CFAP58: variants seen among roughly 807,000 people sequenced by gnomAD.
CFAP58 encodes the protein cilia and flagella associated protein 58.
A neutral mutation model predicts 119.5 loss-of-function variants in CFAP58; 88 were observed. The ratio of observed to expected loss-of-function variants is 0.74; its 90% CI spans 0.62 to 0.88. CFAP58 has a LOEUF of 0.88. Ranked by LOEUF, CFAP58 falls within the 40% of genes least tolerant of loss-of-function variation. CFAP58 has a pLI of 0.00. For missense variants in CFAP58, 990 were observed against 1,021.2 expected, an observed-to-expected ratio of 0.97 and a Z score of 0.42; for synonymous variants, 365 against 366.3, an observed-to-expected ratio of 1.00 and a Z score of 0.04.
At chr10:104,413,854 A>C (rs1044005970) in intron 15 of CFAP58, among the ~76,000 whole-genome samples, 1 of 152,140 alleles carries the variant, frequency 6.6e-6, no homozygotes, top group African/African-American at 2.4e-5. Flanking sequence ...ATAGCATTGG[A>C]GTAGGAAGCT....
At position 104,399,399 on chromosome 10, in the gene CFAP58, A is replaced by C; in HGVS notation, c.1714A>C (p.Lys572Gln). 6.2e-7 allele frequency: 1 copy of C among 1,613,970 alleles called. No individual in the cohort carries two copies. Among genetic ancestry groups the C allele is most frequent in the South Asian group, 1.1e-5 (1 of 91,068 alleles). The change falls in exon 12 of 18, where the codon AAA (lysine) becomes CAA (glutamine). Residue 572 changes from lysine to glutamine, a missense_variant. Coordinates refer to ENST00000369704, the MANE Select transcript of CFAP58 (RefSeq NM_001008723.2). Reference sequence around the variant, plus strand: ...GCTGAGACAACAAGCCCTGGAGACAAAACACTTTATTGAAAAGCAAGAAGC... The same window carrying C: ...GCTGAGACAACAAGCCCTGGAGACACAACACTTTATTGAAAAGCAAGAAGC... ...QKLRQQALET[K>Q]HFIEKQEAEE...
chr10:104,401,611 A>G (rs978237318), intron 13 of CFAP58, among the ~76,000 whole-genome samples: 1 of 152,220 alleles, frequency 6.6e-6, no homozygotes, highest in Non-Finnish European at 1.5e-5. Flanking sequence ...GTAGATGAAC[A>G]GTATCCTTGA....
upstream of CFAP58, among the ~76,000 whole-genome samples, chr10:104,350,617 A>G (rs1302795392): frequency 6.6e-6 from 1 of 152,110 alleles, no homozygotes; most frequent in African/African-American, 2.4e-5. Context: ...TTGTCCTCCT[A>G]TAAGTAAGGT....
At chr10:104,385,372 G>A (rs2011901958) in intron 9 of CFAP58, among the ~76,000 whole-genome samples, 1 of 152,042 alleles carries the variant, frequency 6.6e-6, no homozygotes, top group African/African-American at 2.4e-5. Context: ...CCAACATGGC[G>A]TTACTGCTAG....
intron 12 of CFAP58, among the ~76,000 whole-genome samples, chr10:104,400,365 G>A (rs911695830): frequency 7.9e-5 from 12 of 152,002 alleles, no homozygotes; most frequent in Non-Finnish European, 1.3e-4. Context: ...CAGGCTGCTC[G>A]CGAACTCCTG....
intron 14 of CFAP58, 38 bp from the exon 15 acceptor site, chr10:104,406,648 CTGA>C (rs1026809770): frequency 1.2e-5 from 18 of 1,528,098 alleles, no homozygotes; most frequent in Non-Finnish European, 1.6e-5. Context: ...TGCTTTGAAG[CTGA>C]TGATATCTCA....
rs765355286 is a variant in CFAP58 at position 104,447,752 on chromosome 10, C to T, written c.2311C>T (p.Pro771Ser). Reference protein sequence around the residue: ...LKHVLARQPGPEAAEQLKLYR... With the variant: ...LKHVLARQPGSEAAEQLKLYR... ...GCACGTCTTGGCCCGCCAGCCTGGACCTGAGGCTGCGGAACAGCTGAAGCT... is the reference window on the plus strand; with the variant it reads ...GCACGTCTTGGCCCGCCAGCCTGGATCTGAGGCTGCGGAACAGCTGAAGCT... Residue 771 changes from proline (P) to serine (S), a missense_variant, in exon 16 of 18, where the codon CCT becomes TCT. By Grantham distance (74) the Pro-to-Ser change is moderately conservative (BLOSUM62 -1). Coordinates refer to ENST00000369704, the MANE Select transcript of CFAP58 (RefSeq NM_001008723.2). 1 of 1,614,168 alleles carries T rather than the reference C, an allele frequency of 6.2e-7. No individual in the cohort carries two copies. The highest frequency in any genetic ancestry group is 8.5e-7 in the Non-Finnish European group (1 of 1,180,010).
intron 9 of CFAP58, among the ~76,000 whole-genome samples, chr10:104,380,902 A>C (rs1469292991): frequency 6.6e-6 from 1 of 152,100 alleles, no homozygotes; most frequent in Non-Finnish European, 1.5e-5. Context: ...TAATCCCAGC[A>C]CTCTGGGAGT....
At chr10:104,395,312 G>T (rs1411317062) in intron 11 of CFAP58, among the ~76,000 whole-genome samples, 1 of 152,188 alleles carries the variant, frequency 6.6e-6, no homozygotes, top group Non-Finnish European at 1.5e-5. Context: ...TTGGCAGCTG[G>T]TGAACATGAA....
chr10:104,411,432 CTAT>C (rs1303492423), intron 15 of CFAP58, among the ~76,000 whole-genome samples: 1 of 151,864 alleles, frequency 6.6e-6, no homozygotes, highest in Non-Finnish European at 1.5e-5. Flanking sequence ...TCTGAGTGTT[CTAT>C]TATTGAAGTT....
chr10:104,376,874 A>T lies in CFAP58; in HGVS notation c.1154A>T (p.Glu385Val). The T allele has an allele frequency of 6.2e-7, 1 of 1,613,136 alleles. No homozygotes were observed. The highest frequency in any genetic ancestry group is 1.1e-5 in the South Asian group (1 of 91,064). Residue 385 changes from glutamate (E) to valine (V), a missense_variant, in exon 8 of 18, where the codon GAA (glutamate) becomes GTA (valine). Glu to Val is a moderately radical substitution (Grantham distance 121, BLOSUM62 -2). Transcript: ENST00000369704. Reference sequence around the variant, plus strand: ...AAGGCAATGGACGAGCTTCTAAGAGAAAGGGACATACTAAATAAGGTGAGT... The same window carrying T: ...AAGGCAATGGACGAGCTTCTAAGAGTAAGGGACATACTAAATAAGGTGAGT... Reference protein sequence around the residue: ...DRKAMDELLRERDILNKNMLK... With the variant: ...DRKAMDELLRVRDILNKNMLK...
At chr10:104,408,427 C>T (rs1166309898) in intron 15 of CFAP58, among the ~76,000 whole-genome samples, 4 of 152,148 alleles carry the variant, frequency 2.6e-5, no homozygotes, top group African/African-American at 9.7e-5. Flanking sequence ...TAGTACGTGG[C>T]ACTGGGCTTT....
At chr10:104,423,756 A>G (rs1237613810) in intron 15 of CFAP58, among the ~76,000 whole-genome samples, 2 of 152,232 alleles carry the variant, frequency 1.3e-5, no homozygotes, top group Non-Finnish European at 2.9e-5. Context: ...GCAAGATTCA[A>G]TTCAGTTTAT....
chr10:104,407,496 T>C (rs2012384567), intron 15 of CFAP58, among the ~76,000 whole-genome samples: 1 of 152,174 alleles, frequency 6.6e-6, no homozygotes, highest in Non-Finnish European at 1.5e-5. Context: ...GTTAGATGGC[T>C]TGGTTTGGAA....
intron 9 of CFAP58, among the ~76,000 whole-genome samples, chr10:104,390,858 T>C (rs1000688378): frequency 1.8e-4 from 27 of 152,282 alleles, no homozygotes; most frequent in African/African-American, 6.5e-4. Flanking sequence ...GAAAAATCTG[T>C]TACTAGGTTT....
intron 9 of CFAP58, among the ~76,000 whole-genome samples, chr10:104,389,445 C>T (rs2011990099): frequency 6.6e-6 from 1 of 151,876 alleles, no homozygotes. Context: ...CCTGTTCTAA[C>T]ATCTCTGAAA....
At chr10:104,343,932 A>C in the CFAP58 span, among the ~76,000 whole-genome samples, 66 of 152,136 alleles carry the variant, frequency 4.3e-4, 1 homozygote, top group Non-Finnish European at 5.6e-4. Context: ...TTGCAGAGAT[A>C]GGGTCTCAGT....
intron 2 of CFAP58, among the ~76,000 whole-genome samples, chr10:104,361,058 A>G (rs111922257): frequency 0.038 from 5,718 of 152,088 alleles, 364 homozygotes; most frequent in African/African-American, 0.13. Flanking sequence ...TGATTCAATC[A>G]CCTCCCACCA....
chr10:104,366,134 T>C, intron 5 of CFAP58, 126 bp downstream of exon 5: 6 of 870,562 alleles, frequency 6.9e-6, no homozygotes, highest in Non-Finnish European at 1.0e-5. Context: ...GTGCTGATGA[T>C]GTAAAACTTA....
Sources: gnomAD v4.1 joint callset for allele counts (sites outside exome capture counted in the v4.1 genomes callset) on GRCh38, gnomAD v4.1.1 for gene constraint, MANE v1.5 for transcripts, NCBI Gene and HGNC (gene_info 2026-07-23, HGNC 2026-07-21) for gene names.